COL6A3: variants seen among roughly 807,000 people sequenced by gnomAD.
COL6A3 encodes the protein collagen type VI alpha 3 chain.
Under a neutral mutation model 274.1 loss-of-function variants are expected in COL6A3, and 137 were observed. That is an observed-to-expected ratio of 0.50 (90% CI 0.44 to 0.58). The LOEUF is 0.58. COL6A3 is among the 20% of genes least tolerant of loss of function. COL6A3 has a pLI of 0.00. For missense variants in COL6A3, 3,950 were observed against 4,124.9 expected (o/e 0.96, Z 1.16); for synonymous variants, 1,650 against 1,650.6 (o/e 1.00, Z 0.01).
In COL6A3 at chr2:237,378,993, C is replaced by A. The variant is rs1395764595; in HGVS notation, c.2140G>T (p.Gly714Cys). ...GHLRQLQLQG[G>C]SGLNTGSALS... ...GCTGAGCCTGTGTTCAGGCCCGAAC[C>A]TCCCTGGAGCTGCAGCTGCCTCAGA... The change falls in exon 6 of 44, where the codon GGT becomes TGT. Residue 714 changes from glycine to cysteine, a missense_variant. Gly to Cys is a radical substitution (Grantham distance 159). This residue lies in a region of COL6A3 where 1,934 missense variants were observed against 1,984.3 expected (regional missense o/e 0.97). Transcript: ENST00000295550. The A allele has an allele frequency of 4.3e-6, 7 of 1,614,066 alleles. No homozygotes were observed. Among genetic ancestry groups the A allele is most frequent in the African/African-American group, 1.3e-5 (1 of 74,932 alleles).
Position 237,364,238 on chromosome 2 carries a change from C to A in COL6A3, c.5917+112G>T. 1 of 849,982 alleles carries A rather than the reference C, an allele frequency of 1.2e-6. No homozygotes were observed. The highest frequency in any genetic ancestry group is 2.0e-6 in the Non-Finnish European group (1 of 503,814). The allele number at this position is 849,982 out of a possible 1,614,324, so 52.7% of individuals were successfully genotyped here. A position where few individuals can be genotyped will look rare whatever the true frequency, so the allele number is the denominator to read the frequency against. Reference sequence around the variant, plus strand: ...CGCTGGGAGGAAGAGTCTCCCAAGACAACGCTGCTCCCTTGGGGCGCTGCA... The same window carrying A: ...CGCTGGGAGGAAGAGTCTCCCAAGAAAACGCTGCTCCCTTGGGGCGCTGCA... On this transcript the variant is annotated intron_variant, in intron 13 of 43. Transcript: ENST00000295550. This position sits in a 1 kb window ranked among gnomAD's most constrained non-coding sequence, Gnocchi z 4.6.
In COL6A3 at chr2:237,361,567, A is replaced by G. The variant is rs1318993002; in HGVS notation, c.6156+172T>C. ...AACCATCTTCACTGGAACAGGCCCCAGCAGAACAGCACGCAGGTCTGCCCC... is the reference window on the plus strand; with the variant it reads ...AACCATCTTCACTGGAACAGGCCCCGGCAGAACAGCACGCAGGTCTGCCCC... On this transcript the variant is annotated intron_variant, in intron 15 of 43. Transcript: ENST00000295550. This position sits in a 1 kb window ranked among gnomAD's most constrained non-coding sequence, Gnocchi z 5.1. 6.6e-6 allele frequency among the ~76,000 whole-genome samples: 1 copy of G among 152,190 alleles called. No homozygotes were observed. Among genetic ancestry groups the G allele is most frequent in the Non-Finnish European group, 1.5e-5 (1 of 68,024 alleles).
chr2:237,344,524 T>C lies in COL6A3; in HGVS notation c.7494A>G (p.Thr2498=). 2 of 1,614,136 alleles carry C rather than the reference T, an allele frequency of 1.2e-6. No homozygotes were observed. Among genetic ancestry groups the C allele is most frequent in the Non-Finnish European group, 1.7e-6 (2 of 1,180,028 alleles). The change falls in exon 36 of 44, where the codon ACA becomes ACG. Residue 2498 remains threonine, a synonymous_variant. Transcript: ENST00000295550. The surrounding 1 kb of genome is among the most constrained non-coding windows in gnomAD (Gnocchi z 4.8). ...ETAMSFVARN[T]FKRVRNGFLM... ...GGAATCCGTTCCTCACACGCTTAAA[T>C]GTGTTCCTGGCCACAAACGACATGG...
At position 237,374,810 on chromosome 2, in the gene COL6A3, G is replaced by A. The variant is rs2077790291; in HGVS notation, c.3281C>T (p.Ala1094Val). Residue 1094 changes from alanine (A) to valine (V), a missense_variant, in exon 8 of 44, where the codon GCT (alanine) becomes GTT (valine). By Grantham distance (64) the Ala-to-Val change is moderately conservative. This residue lies in a region of COL6A3 where 1,934 missense variants were observed against 1,984.3 expected (regional missense o/e 0.97). Transcript: ENST00000295550. The surrounding 1 kb of genome is among the most constrained non-coding windows in gnomAD (Gnocchi z 4.8). Reference protein sequence around the residue: ...SYMNKQDVVNAVRQLTLLGGP... With the variant: ...SYMNKQDVVNVVRQLTLLGGP... ...TCCCAGCAGGGTCAGCTGGCGGACA[G>A]CGTTGACGACGTCCTGCTTGTTCAT... 1.9e-6 allele frequency: 3 copies of A among 1,614,074 alleles called. No individual in the cohort carries two copies. Among genetic ancestry groups the A allele is most frequent in the African/African-American group, 2.7e-5 (2 of 75,030 alleles).
In COL6A3 at chr2:237,344,678, A is replaced by G; in HGVS notation, c.7340T>C (p.Val2447Ala). ...SNCPRGARVAVVTYNNEVTTE... is the reference protein window; with the variant it reads ...SNCPRGARVAAVTYNNEVTTE... ...GGTCACCTCGTTGTTGTAGGTGACC[A>G]CAGCCACCCGGGCCCCCCGTGGGCA... The change falls in exon 36 of 44, where the codon GTG becomes GCG. Residue 2447 changes from valine to alanine, a missense_variant. Around this residue, in one of 5 missense-constraint regions of COL6A3, gnomAD observed 1,284 missense variants for 1,349.7 expected, o/e 0.95. Coordinates refer to ENST00000295550, the MANE Select transcript of COL6A3 (RefSeq NM_004369.4). The surrounding 1 kb of genome is among the most constrained non-coding windows in gnomAD (Gnocchi z 4.8). The G allele has an allele frequency of 6.2e-7, 1 of 1,611,488 alleles. No homozygotes were observed. Among genetic ancestry groups the G allele is most frequent in the African/African-American group, 1.3e-5 (1 of 74,914 alleles).
Position 237,359,394 on chromosome 2 carries a change from A to G in COL6A3, c.6283-6T>C. On this transcript the variant is annotated splice_polypyrimidine_tract_variant and splice_region_variant and intron_variant, in intron 17 of 43. Coordinates refer to ENST00000295550, the MANE Select transcript of COL6A3 (RefSeq NM_004369.4). ...CCTGGGAATCCCCGAGAGCCCTAGA[A>G]GGCAAGGCGATAGGGGAAGCATTAG... is the stretch of plus-strand genomic sequence containing the variant. 1 of 1,613,764 alleles carries G rather than the reference A, an allele frequency of 6.2e-7. No homozygotes were observed. Among genetic ancestry groups the G allele is most frequent in the Non-Finnish European group, 8.5e-7 (1 of 1,179,920 alleles).
In COL6A3 at chr2:237,381,124, T is replaced by A; in HGVS notation, c.1688A>T (p.Asp563Val). The change falls in exon 5 of 44, where the codon GAT becomes GTT. Residue 563 changes from aspartate to valine, a missense_variant. Physicochemically the swap from Asp to Val is radical, Grantham distance 152. This residue lies in a region of COL6A3 where 1,934 missense variants were observed against 1,984.3 expected (regional missense o/e 0.97). Coordinates refer to ENST00000295550, the MANE Select transcript of COL6A3 (RefSeq NM_004369.4). ...CTCCTGGGCAGGCTGGCTGATTTCA[T>A]CTAGGGACTTACCACCTGTGATCAG... ...LVLITGGKSL[D>V]EISQPAQELK... 6.2e-7 allele frequency: 1 copy of A among 1,614,244 alleles called. No individual in the cohort carries two copies. The highest frequency in any genetic ancestry group is 8.5e-7 in the Non-Finnish European group (1 of 1,180,048).
At chr2:237,405,803 G>A (rs2078704662) in intron 1 of COL6A3, among the ~76,000 whole-genome samples, 1 of 152,038 alleles carries the variant, frequency 6.6e-6, no homozygotes, top group South Asian at 2.1e-4. Context: ...CATGCCTTTT[G>A]GGGAAAAAAT....
At chr2:237,325,253 C>T (rs1250788184) in intron 43 of COL6A3, among the ~76,000 whole-genome samples, 1 of 152,090 alleles carries the variant, frequency 6.6e-6, no homozygotes, top group African/African-American at 2.4e-5. Context: ...TTATCTTTGG[C>T]GTTATCTGTA....
In COL6A3 at chr2:237,332,117, A is replaced by ATATATATATATATATATTATATATATG. The variant is rs35490728; in HGVS notation, c.9328+1332_9328+1333insCATATATATAATATATATATATATATA. On this transcript the variant is annotated intron_variant, in intron 42 of 43. Transcript: ENST00000295550. ...TATATATATATATATATATATATAT[A>ATATATATATATATATATTATATATATG]TGAAAAGAAAAACAAAACAGCCCAG... is the stretch of plus-strand genomic sequence containing the variant. 1.3e-3 allele frequency among the ~76,000 whole-genome samples: 84 copies of ATATATATATATATATATTATATATATG among 64,192 alleles called. 19 individuals are homozygous for ATATATATATATATATATTATATATATG. The highest frequency in any genetic ancestry group is 4.0e-3 in the East Asian group (6 of 1,488). The allele number at this position is 64,192 out of a possible 152,430, so 42.1% of individuals were successfully genotyped here.
Position 237,357,867 on chromosome 2 carries a change from C to T in COL6A3, c.6487G>A (p.Asp2163Asn). Residue 2163 changes from aspartate to asparagine, a missense_variant, in exon 22 of 44, where the codon GAC (aspartate) becomes AAC (asparagine). Physicochemically the swap from Asp to Asn is conservative, Grantham distance 23 (BLOSUM62 1). Around this residue, in one of 5 missense-constraint regions of COL6A3, gnomAD observed 1,284 missense variants for 1,349.7 expected, o/e 0.95. Transcript: ENST00000295550. ...IRGDPGNPGQ[D>N]SQERGPKGET... ...CCTTTGGGTCCTCTCTCCTGGCTGT[C>T]TTGTCCTGGGTTACCCTGAAAGCAA... 1.2e-6 allele frequency: 2 copies of T among 1,614,176 alleles called. No homozygotes were observed. Among genetic ancestry groups the T allele is most frequent in the Admixed American group, 1.7e-5 (1 of 60,024 alleles).
At chr2:237,406,701 A>C (rs2078728419) in intron 1 of COL6A3, among the ~76,000 whole-genome samples, 2 of 152,244 alleles carry the variant, frequency 1.3e-5, no homozygotes, top group South Asian at 4.2e-4. Context: ...TCAGGGAGGA[A>C]GCTAAGAAAG....
rs773820411 is a variant in COL6A3, at chr2:237,381,410, T to C, written c.1402A>G (p.Ile468Val). 4 of 1,613,768 alleles carry C rather than the reference T, an allele frequency of 2.5e-6. No individual in the cohort carries two copies. The highest frequency in any genetic ancestry group is 4.5e-5 in the East Asian group (2 of 44,888). ...LANFNAIRDF[I>V]AKVIQRLEIG... is the part of the protein sequence containing the mutation. Reference sequence around the variant, plus strand: ...TCCAGCCTCTGGATGACTTTAGCAATGAAGTCTCGGATGGCATTGAAGTTG... The same window carrying C: ...TCCAGCCTCTGGATGACTTTAGCAACGAAGTCTCGGATGGCATTGAAGTTG... Residue 468 changes from isoleucine (I) to valine (V), a missense_variant, in exon 5 of 44, where the codon ATT becomes GTT. Transcript: ENST00000295550.
chr2:237,346,689 T>G, intron 31 of COL6A3, 124 bp from the exon 32 acceptor site: 6 of 853,410 alleles, frequency 7.0e-6, no homozygotes, highest in Non-Finnish European at 9.6e-6. Flanking sequence ...GAAAAATCTC[T>G]CACTTTAAGG....
chr2:237,363,912 T>C (rs1222871917), intron 13 of COL6A3, among the ~76,000 whole-genome samples: 2 of 152,248 alleles, frequency 1.3e-5, no homozygotes, highest in Non-Finnish European at 2.9e-5. Flanking sequence ...TGTCACCTTA[T>C]GTTTGGTACG....
At chr2:237,373,060 T>G (rs557087931) in intron 8 of COL6A3, among the ~76,000 whole-genome samples, 1 of 152,118 alleles carries the variant, frequency 6.6e-6, no homozygotes, top group East Asian at 1.9e-4. Context: ...GAAATAGGAC[T>G]CAAGATTACC....
intron 1 of COL6A3, among the ~76,000 whole-genome samples, chr2:237,412,050 G>A (rs1454798219): frequency 3.3e-5 from 5 of 152,134 alleles, no homozygotes; most frequent in Admixed American, 2.6e-4. Flanking sequence ...GGCTTCTCTC[G>A]ACCATGAGTG....
Position 237,377,312 on chromosome 2 carries a change from C to T in COL6A3, c.2530G>A (p.Gly844Ser), listed in dbSNP as rs1254158878. The change falls in exon 7 of 44, where the codon GGC becomes AGC. Residue 844 changes from glycine (G) to serine (S), a missense_variant. Physicochemically the swap from Gly to Ser is moderately conservative, Grantham distance 56 (BLOSUM62 0). Transcript: ENST00000295550. ...SKRDILFLFD[G>S]SANLVGQFPV... ...AACTGGCCCACAAGATTGGCTGAGC[C>T]GTCAAAGAGGAACAGAATGTCTCGC... 2.5e-6 allele frequency: 4 copies of T among 1,601,076 alleles called. No homozygotes were observed. The highest frequency in any genetic ancestry group is 1.7e-5 in the Admixed American group (1 of 59,990).
At position 237,340,525 on chromosome 2, in the gene COL6A3, T is replaced by C. The variant is rs2076963753; in HGVS notation, c.8391A>G (p.Leu2797=). The C allele has an allele frequency of 6.2e-7, 1 of 1,614,154 alleles. No individual in the cohort carries two copies. The part of the protein sequence containing the change: ...ASEPNDVFFK[L]VDKSTELNEE... ...CGTTGAGCTCGGTGGACTTGTCCAC[T>C]AATTTGAAGAAGACGTCGTTTGGCT... is the stretch of plus-strand genomic sequence containing the variant. The change falls in exon 38 of 44, where the codon TTA becomes TTG. Residue 2797 remains leucine (L), a synonymous_variant. Coordinates refer to ENST00000295550, the MANE Select transcript of COL6A3 (RefSeq NM_004369.4).
Sources: allele counts gnomAD v4.1 joint callset (sites outside exome capture counted in the v4.1 genomes callset), GRCh38; gene constraint gnomAD v4.1.1; regional missense constraint gnomAD v4.1.1; non-coding constraint Gnocchi (gnomAD v3.1); transcripts MANE v1.5; gene names NCBI Gene and HGNC (gene_info 2026-07-23, HGNC 2026-07-21).